PLEKHA5: variants seen among roughly 807,000 people sequenced by gnomAD.
PLEKHA5 encodes pleckstrin homology domain containing A5, also known as pleckstrin homology domain-containing family A member 5.
A neutral mutation model predicts 181.9 loss-of-function variants in PLEKHA5; 55 were observed. That is an observed-to-expected ratio of 0.30 (90% CI 0.24 to 0.38). The LOEUF (loss-of-function observed/expected upper bound fraction) is 0.38, where lower values mean the gene tolerates loss of function less well. Among genes scored for constraint, PLEKHA5 ranks in the 10% least tolerant of loss-of-function variants. The pLI, the probability that PLEKHA5 is intolerant of heterozygous loss-of-function variation, is 1.00. For synonymous variants in PLEKHA5, 535 were observed against 529.4 expected (o/e 1.01, Z -0.15); for missense variants, 1,432 against 1,549.5 (o/e 0.92, Z 1.27).
At chr12:19,301,413 C>G (rs1729720460) in intron 15 of PLEKHA5, among the ~76,000 whole-genome samples, 2 of 151,668 alleles carry the variant, frequency 1.3e-5, no homozygotes, top group Non-Finnish European at 2.9e-5. Flanking sequence ...CAGGGATAAA[C>G]ATAGTAGTAG....
chr12:19,317,945 T>TTTTTTTTTTA (rs2089489106), intron 16 of PLEKHA5, among the ~76,000 whole-genome samples: 1 of 146,470 alleles, frequency 6.8e-6, no homozygotes, highest in Non-Finnish European at 1.5e-5. Context: ...TTTTTTTTTT[T>TTTTTTTTTTA]GGCTAAAGGT....
At chr12:19,292,661 G>T (rs541849497) in intron 15 of PLEKHA5, among the ~76,000 whole-genome samples, 3 of 152,140 alleles carry the variant, frequency 2.0e-5, no homozygotes, top group Non-Finnish European at 2.9e-5. Flanking sequence ...GCAATGGGCC[G>T]GGTGTGGTGG....
intron 3 of PLEKHA5, among the ~76,000 whole-genome samples, chr12:19,195,450 C>T (rs1333109280): frequency 6.6e-6 from 1 of 151,996 alleles, no homozygotes; most frequent in African/African-American, 2.4e-5. Context: ...AGGCAGATCA[C>T]TTGAGTCCAG....
At chr12:19,293,356 A>T (rs1205387573) in intron 15 of PLEKHA5, among the ~76,000 whole-genome samples, 1 of 152,190 alleles carries the variant, frequency 6.6e-6, no homozygotes, top group Non-Finnish European at 1.5e-5. Context: ...AAACATTTTC[A>T]TCAGCATTTT....
chr12:19,241,086 A>G (rs758724779), intron 3 of PLEKHA5, among the ~76,000 whole-genome samples: 26 of 152,198 alleles, frequency 1.7e-4, no homozygotes, highest in Non-Finnish European at 3.2e-4. Context: ...TATACTTCAC[A>G]TTAAAGATGA....
intron 3 of PLEKHA5, among the ~76,000 whole-genome samples, chr12:19,229,567 G>A (rs184360669): frequency 7.2e-5 from 11 of 152,244 alleles, no homozygotes; most frequent in Non-Finnish European, 1.6e-4. Flanking sequence ...GGCCTCAGGA[G>A]TGAAGCTACA....
intron 3 of PLEKHA5, among the ~76,000 whole-genome samples, chr12:19,183,601 A>C (rs1157336746): frequency 2.6e-5 from 4 of 152,246 alleles, no homozygotes; most frequent in Non-Finnish European, 5.9e-5. Context: ...TTGGGTTTCA[A>C]TGATTGAGTT....
At chr12:19,318,124 TG>T (rs1397222966) in intron 16 of PLEKHA5, among the ~76,000 whole-genome samples, 1 of 136,760 alleles carries the variant, frequency 7.3e-6, no homozygotes, top group Non-Finnish European at 1.5e-5. Flanking sequence ...AGGCGTTTTT[TG>T]TTTGTTTAAG....
chr12:19,251,827 G>A (rs529863920), intron 3 of PLEKHA5, among the ~76,000 whole-genome samples: 2 of 151,830 alleles, frequency 1.3e-5, no homozygotes, highest in East Asian at 3.9e-4. Context: ...AATAATACAG[G>A]GGACAAACTT....
intron 16 of PLEKHA5, among the ~76,000 whole-genome samples, chr12:19,319,178 TAGTATAAG>T (rs2089982652): frequency 6.6e-6 from 1 of 152,206 alleles, no homozygotes; most frequent in Non-Finnish European, 1.5e-5. Context: ...TTATTTTGAA[TAGTATAAG>T]AGTATTCTAA....
At position 19,255,136 on chromosome 12, in the gene PLEKHA5, G is replaced by A. The variant is rs766025179; in HGVS notation, c.403G>A (p.Ala135Thr). ...ASNYNVTSDY[A>T]VHPMSPVGRT... ...TAACTATAACGTGACTTCAGATTAT[G>A]CAGTGCATCCAATGAGCCCTGTAGG... Residue 135 changes from alanine (A) to threonine (T), a missense_variant, in exon 5 of 32, where the codon GCA becomes ACA. By Grantham distance (58) the Ala-to-Thr change is moderately conservative (BLOSUM62 0). Around this residue, in one of 2 missense-constraint regions of PLEKHA5, gnomAD observed 289 missense variants for 381.1 expected, o/e 0.76. Coordinates refer to ENST00000429027, the MANE Select transcript of PLEKHA5 (RefSeq NM_001256470.2). 2 of 1,607,070 alleles carry A rather than the reference G, an allele frequency of 1.2e-6. No individual in the cohort carries two copies. Among genetic ancestry groups the A allele is most frequent in the Non-Finnish European group, 1.7e-6 (2 of 1,175,110 alleles).
At chr12:19,273,415 A>G (rs568240282) in intron 10 of PLEKHA5, among the ~76,000 whole-genome samples, 1 of 151,324 alleles carries the variant, frequency 6.6e-6, no homozygotes, top group East Asian at 1.9e-4. Flanking sequence ...AGATATCTTC[A>G]TCTATAGTTG....
chr12:19,141,084 G>A (rs1023012272), intron 3 of PLEKHA5, among the ~76,000 whole-genome samples: 1 of 152,084 alleles, frequency 6.6e-6, no homozygotes, highest in Non-Finnish European at 1.5e-5. Flanking sequence ...ATGAGCCACC[G>A]TGCCCAGCCA....
intron 3 of PLEKHA5, among the ~76,000 whole-genome samples, chr12:19,245,723 CAAAAAA>C (rs1177391924): frequency 5.9e-5 from 3 of 50,904 alleles, no homozygotes; most frequent in African/African-American, 2.6e-4. Flanking sequence ...GTGAGACTGT[CAAAAAA>C]AAAAAAAAAA....
At chr12:19,362,003 T>A (rs1324904711) in intron 29 of PLEKHA5, among the ~76,000 whole-genome samples, 1 of 150,850 alleles carries the variant, frequency 6.6e-6, no homozygotes, top group Non-Finnish European at 1.5e-5. Flanking sequence ...AGACCTCATC[T>A]CTGAAAAAAA....
intron 15 of PLEKHA5, among the ~76,000 whole-genome samples, chr12:19,300,050 G>A (rs1298617302): frequency 6.6e-6 from 1 of 152,098 alleles, no homozygotes; most frequent in African/African-American, 2.4e-5. Flanking sequence ...ACCTTACTGT[G>A]TAAGTATCAC....
intron 3 of PLEKHA5, among the ~76,000 whole-genome samples, chr12:19,195,386 T>TAAAGAG (rs2152001361): frequency 3.2e-5 from 1 of 30,964 alleles, no homozygotes; most frequent in South Asian, 6.7e-4. Flanking sequence ...GGATATAAAG[T>TAAAGAG]ACGGGTGAGT....
rs2094083002 is a variant in PLEKHA5, at chr12:19,343,359, A to G, written c.2587A>G (p.Lys863Glu). Reference sequence around the variant, plus strand: ...AGGAATTCAGCGTGCACAGATTCAGAAAGAACTTTGGCGAATTCAGGATGT... The same window carrying G: ...AGGAATTCAGCGTGCACAGATTCAGGAAGAACTTTGGCGAATTCAGGATGT... Reference protein sequence around the residue: ...SAGIQRAQIQKELWRIQDVME... With the variant: ...SAGIQRAQIQEELWRIQDVME... Residue 863 changes from lysine (K) to glutamate (E), a missense_variant, in exon 22 of 32, where the codon AAA (lysine) becomes GAA (glutamate). Coordinates refer to ENST00000429027, the MANE Select transcript of PLEKHA5 (RefSeq NM_001256470.2). 6.2e-7 allele frequency: 1 copy of G among 1,613,882 alleles called. No homozygotes were observed. Among genetic ancestry groups the G allele is most frequent in the Non-Finnish European group, 8.5e-7 (1 of 1,179,788 alleles).
At chr12:19,374,125 C>A (rs2095654199) in intron 31 of PLEKHA5, among the ~76,000 whole-genome samples, 1 of 152,118 alleles carries the variant, frequency 6.6e-6, no homozygotes, top group Non-Finnish European at 1.5e-5. Flanking sequence ...ATTTAGGAAA[C>A]CTTTACAAAT....
Sources: gnomAD v4.1 joint callset for allele counts (sites outside exome capture counted in the v4.1 genomes callset) on GRCh38, gnomAD v4.1.1 for gene constraint, gnomAD v4.1.1 regional missense constraint, MANE v1.5 for transcripts, NCBI Gene and HGNC (gene_info 2026-07-23, HGNC 2026-07-21) for gene names.